Variants in SH3BP5 observed in about 807,000 individuals in gnomAD.
The protein encoded by SH3BP5 is SH3 domain binding protein 5, also known as SH3 domain-binding protein 5.
Under a neutral mutation model 43.3 loss-of-function variants are expected in SH3BP5, and 22 were observed. The ratio of observed to expected loss-of-function variants is 0.51; its 90% confidence interval spans 0.36 to 0.73. The LOEUF (loss-of-function observed/expected upper bound fraction) is 0.73. Among genes scored for constraint, SH3BP5 ranks in the 30% least tolerant of loss-of-function variants. The pLI is 0.00. For synonymous variants in SH3BP5, 255 were observed against 225.8 expected, an observed-to-expected ratio of 1.13 and a Z score of -1.16; for missense variants, 529 against 586.9, an observed-to-expected ratio of 0.90 and a Z score of 1.02.
At chr3:15,273,282 C>T (rs751528121) in intron 3 of SH3BP5, 412 of 985,306 alleles carry the variant, frequency 4.2e-4, no homozygotes, top group Non-Finnish European at 4.7e-4. Flanking sequence ...TCCCTTATTT[C>T]TTCAAGCAAG....
At chr3:15,286,377 T>G (rs1457110591) in intron 3 of SH3BP5, among the ~76,000 whole-genome samples, 1 of 152,220 alleles carries the variant, frequency 6.6e-6, no homozygotes. Context: ...AAAGCAGGTC[T>G]GAGGAACTCA....
At chr3:15,256,674 G>C in intron 8 of SH3BP5, 179 bp downstream of exon 8, 1 of 702,852 alleles carries the variant, frequency 1.4e-6, no homozygotes, top group Non-Finnish European at 2.3e-6. Context: ...GTGGAGCCAG[G>C]AGCCCCCCCA....
chr3:15,269,516 G>C (rs1696737379), intron 4 of SH3BP5, among the ~76,000 whole-genome samples, 197 bp downstream of exon 4: 1 of 149,152 alleles, frequency 6.7e-6, no homozygotes, highest in African/African-American at 2.6e-5. Context: ...CGCTGTCACG[G>C]AGAGACACTG....
upstream of SH3BP5, among the ~76,000 whole-genome samples, chr3:15,335,568 T>C (rs993525321): frequency 2.1e-5 from 3 of 143,716 alleles, no homozygotes; most frequent in African/African-American, 7.6e-5. Context: ...GGAGACCCTA[T>C]CTCAAAAAAA....
At position 15,256,044 on chromosome 3, in the gene SH3BP5, G is replaced by C; in HGVS notation, c.*42C>G. 1 of 1,444,718 alleles carries C rather than the reference G, an allele frequency of 6.9e-7. No individual in the cohort carries two copies. The highest frequency in any genetic ancestry group is 9.7e-7 in the Non-Finnish European group (1 of 1,034,132). 89.5% of individuals were successfully genotyped at this position (1,444,718 alleles called of 1,614,324 possible). A position where few individuals can be genotyped will look rare whatever the true frequency, so the allele number is the denominator to read the frequency against. On this transcript the variant is annotated 3_prime_UTR_variant, in exon 9 of 9. Transcript: ENST00000383791. Reference sequence around the variant, plus strand: ...TTGGCACAATGTTCTCCAGTTCCATGTATAAATGTTGATATGCACATCGGC... The same window carrying C: ...TTGGCACAATGTTCTCCAGTTCCATCTATAAATGTTGATATGCACATCGGC...
rs753753320 is a variant in SH3BP5 at position 15,304,130 on chromosome 3, G to A, written c.303C>T (p.Tyr101=). ...IGKAVEDSKP[Y]WEARRVARQA... is the part of the protein sequence containing the mutation. The stretch of plus-strand genomic sequence containing the variant: ...GCCTCGCCACCCTCCGTGCCTCCCA[G>A]TAGGGCTTGGAGTCTTCCACAGCTT... The change falls in exon 3 of 9, where the codon TAC becomes TAT. Residue 101 remains tyrosine, a synonymous_variant. Coordinates refer to ENST00000383791, the MANE Select transcript of SH3BP5 (RefSeq NM_004844.5). 6.2e-7 allele frequency: 1 copy of A among 1,614,152 alleles called. No homozygotes were observed. The highest frequency in any genetic ancestry group is 1.1e-5 in the South Asian group (1 of 91,086).
intron 4 of SH3BP5, among the ~76,000 whole-genome samples, chr3:15,267,668 C>A (rs929988732): frequency 6.6e-6 from 1 of 152,120 alleles, no homozygotes; most frequent in Admixed American, 6.5e-5. Context: ...TCTTGTATAG[C>A]CCCACAGGTC....
chr3:15,324,233 G>C (rs145447614), intron 2 of SH3BP5, among the ~76,000 whole-genome samples: 1 of 152,242 alleles, frequency 6.6e-6, no homozygotes, highest in Non-Finnish European at 1.5e-5. Context: ...CAGACTATCT[G>C]GGGTCTGCAG....
intron 2 of SH3BP5, among the ~76,000 whole-genome samples, chr3:15,305,514 G>A (rs946544751): frequency 5.3e-5 from 8 of 152,210 alleles, no homozygotes; most frequent in Non-Finnish European, 8.8e-5. Context: ...TGGTCCAGTC[G>A]CCATGGAACT....
At chr3:15,270,608 C>T (rs1258514277) in intron 3 of SH3BP5, among the ~76,000 whole-genome samples, 2 of 152,158 alleles carry the variant, frequency 1.3e-5, no homozygotes, top group Non-Finnish European at 2.9e-5. Flanking sequence ...GAGCTGCCCC[C>T]ACTACATGTG....
In SH3BP5 at chr3:15,269,702, A is replaced by C; in HGVS notation, c.495+11T>G. On this transcript the variant is annotated intron_variant, in intron 4 of 8. Coordinates refer to ENST00000383791, the MANE Select transcript of SH3BP5 (RefSeq NM_004844.5). ...GCACACCCCCACAGCACACCCGGCC[A>C]TGACTCATACCCTCTGAGTGGCGTG... 6.4e-7 allele frequency: 1 copy of C among 1,567,506 alleles called. No individual in the cohort carries two copies. Among genetic ancestry groups the C allele is most frequent in the Non-Finnish European group, 8.7e-7 (1 of 1,152,028 alleles).
intron 3 of SH3BP5, among the ~76,000 whole-genome samples, chr3:15,296,365 C>CACACACAT (rs1553616958): frequency 2.0e-5 from 3 of 150,936 alleles, no homozygotes; most frequent in African/African-American, 7.4e-5. Context: ...CACACACACA[C>CACACACAT]ACACCCCTAT....
chr3:15,273,203 T>C (rs1343793582), intron 3 of SH3BP5: 3 of 985,410 alleles, frequency 3.0e-6, no homozygotes, highest in Non-Finnish European at 3.6e-6. Flanking sequence ...AGGAATTTTT[T>C]AGTATTTCAA....
chr3:15,304,283 G>A, intron 2 of SH3BP5, 52 bp from the exon 3 acceptor site: 1 of 1,612,912 alleles, frequency 6.2e-7, no homozygotes. Context: ...GAAGGGATCT[G>A]CAAACACCTA....
At chr3:15,338,249 G>A (rs114049503) in intron 1 of SH3BP5, among the ~76,000 whole-genome samples, 2,892 of 152,098 alleles carry the variant, frequency 0.019, 97 homozygotes, top group African/African-American at 0.064. Flanking sequence ...AGGCTGAGAT[G>A]GGAGGATTGC....
At chr3:15,262,045 G>A (rs563409494) in intron 5 of SH3BP5, 114 bp downstream of exon 5, 10 of 1,238,286 alleles carry the variant, frequency 8.1e-6, no homozygotes, top group Admixed American at 2.0e-5. Flanking sequence ...AGGCCCCAGG[G>A]TCTACATCAA....
rs1305246485 is a variant in SH3BP5, at chr3:15,256,223, C to T, written c.1231G>A (p.Gly411Ser). ...NRGLSSSSGS[G>S]GSSKSQSSTS... is the part of the protein sequence containing the mutation. ...CTGCTTTGGCTCTTACTGCTGCCACCACTGCCACTGCTACTGCTGAGGCCC... is the reference window on the plus strand; with the variant it reads ...CTGCTTTGGCTCTTACTGCTGCCACTACTGCCACTGCTACTGCTGAGGCCC... Residue 411 changes from glycine (G) to serine (S), a missense_variant, in exon 9 of 9, where the codon GGT becomes AGT. Gly to Ser is a moderately conservative substitution (Grantham distance 56). This residue lies in a region of SH3BP5 where 369 missense variants were observed against 384.3 expected (regional missense o/e 0.96). Coordinates refer to ENST00000383791, the MANE Select transcript of SH3BP5 (RefSeq NM_004844.5). The T allele has an allele frequency of 6.2e-7, 1 of 1,613,818 alleles. No homozygotes were observed. Among genetic ancestry groups the T allele is most frequent in the Non-Finnish European group, 8.5e-7 (1 of 1,180,012 alleles).
chr3:15,318,036 C>T (rs1331438244), intron 2 of SH3BP5, among the ~76,000 whole-genome samples: 1 of 152,182 alleles, frequency 6.6e-6, no homozygotes, highest in Non-Finnish European at 1.5e-5. Flanking sequence ...CATTATACAT[C>T]CTGGCTCTAC....
At chr3:15,273,139 G>A in intron 3 of SH3BP5, 1 of 985,390 alleles carries the variant, frequency 1.0e-6, no homozygotes, top group Non-Finnish European at 1.2e-6. Context: ...ACCAACTCCA[G>A]GAGACAGGAT....
Sources: allele counts gnomAD v4.1 joint callset (sites outside exome capture counted in the v4.1 genomes callset), GRCh38; gene constraint gnomAD v4.1.1; regional missense constraint gnomAD v4.1.1; transcripts MANE v1.5; gene names NCBI Gene and HGNC (gene_info 2026-07-23, HGNC 2026-07-21).